Variants in BNIP3L observed in about 807,000 individuals in gnomAD.
BNIP3L encodes the protein BCL2/adenovirus E1B 19 kDa protein-interacting protein 3-like.
In BNIP3L, 10 loss-of-function variants were observed where a neutral mutation model predicts 25.5. The observed-to-expected ratio is 0.39, with a 90% confidence interval of 0.24 to 0.67. The LOEUF (loss-of-function observed/expected upper bound fraction) is 0.67. Among genes scored for constraint, BNIP3L ranks in the 30% least tolerant of loss-of-function variants. BNIP3L has a pLI of 0.45. For missense variants in BNIP3L, 215 were observed against 270.9 expected (o/e 0.79, Z 1.45); for synonymous variants, 113 against 101.2 (o/e 1.12, Z -0.70).
At position 26,395,172 on chromosome 8, in the gene BNIP3L, A is replaced by G. The variant is rs746823897; in HGVS notation, c.285-58A>G. On this transcript the variant is annotated intron_variant, in intron 2 of 5. Transcript: ENST00000380629. ...TTTAATTTTCTAATTTCTAGTAGAG[A>G]CTAAGTCATTTGACAAAGTGAGAAT... 283 of 1,564,920 alleles carry G rather than the reference A, an allele frequency of 1.8e-4. 1 individual carries two copies. Among genetic ancestry groups the G allele is most frequent in the Non-Finnish European group, 2.4e-4 (268 of 1,139,496 alleles).
At chr8:26,389,415 T>A (rs138376424) in intron 1 of BNIP3L, among the ~76,000 whole-genome samples, 3 of 152,238 alleles carry the variant, frequency 2.0e-5, no homozygotes, top group African/African-American at 7.2e-5. Context: ...CAATGTTAGA[T>A]CTCTCTTAGC....
intron 1 of BNIP3L, chr8:26,390,528 T>C: frequency 1.0e-6 from 1 of 985,320 alleles, no homozygotes; most frequent in Non-Finnish European, 1.2e-6. Flanking sequence ...GTATGTTTAG[T>C]GTATAAAAAA....
At chr8:26,398,732 C>CTAA (rs1806303900) in intron 3 of BNIP3L, among the ~76,000 whole-genome samples, 1 of 104,654 alleles carries the variant, frequency 9.6e-6, no homozygotes. Flanking sequence ...GCTAGCAAGA[C>CTAA]TAATAAAGAA....
chr8:26,391,537 C>T (rs147600764), intron 2 of BNIP3L, 111 bp downstream of exon 2: 1 of 886,556 alleles, frequency 1.1e-6, no homozygotes, highest in East Asian at 3.0e-5. Context: ...AATATGCCTC[C>T]TGATATATTG....
chr8:26,407,714 G>A (rs1007391760), intron 3 of BNIP3L, among the ~76,000 whole-genome samples: 4 of 152,138 alleles, frequency 2.6e-5, no homozygotes, highest in Admixed American at 6.5e-5. Flanking sequence ...TCTTATCGAG[G>A]TTTTTCATAC....
At chr8:26,395,346 A>G in intron 3 of BNIP3L, 44 bp downstream of exon 3, 1 of 1,570,132 alleles carries the variant, frequency 6.4e-7, no homozygotes, top group Non-Finnish European at 8.7e-7. Flanking sequence ...ATTAAGAAAG[A>G]TGTAAATTCT....
intron 3 of BNIP3L, among the ~76,000 whole-genome samples, chr8:26,406,563 T>G (rs1036421501): frequency 2.0e-5 from 3 of 152,200 alleles, no homozygotes; most frequent in African/African-American, 7.2e-5. Flanking sequence ...CTCACACCTG[T>G]AATCCCAGCA....
chr8:26,405,136 A>G (rs1473685228), intron 3 of BNIP3L, among the ~76,000 whole-genome samples: 1 of 152,214 alleles, frequency 6.6e-6, no homozygotes, highest in Non-Finnish European at 1.5e-5. Flanking sequence ...TCATGAAAAA[A>G]AAAATTAGAG....
intron 3 of BNIP3L, among the ~76,000 whole-genome samples, chr8:26,404,396 C>T (rs1806454474): frequency 1.3e-5 from 2 of 152,188 alleles, no homozygotes; most frequent in African/African-American, 2.4e-5. Context: ...TCATGGTATA[C>T]AGCTTAATAT....
chr8:26,385,611 AAAGGGGCG>A, intron 1 of BNIP3L, among the ~76,000 whole-genome samples: 1 of 142,388 alleles, frequency 7.0e-6, no homozygotes, highest in African/African-American at 2.6e-5. Context: ...TCAAAAAAAA[AAAGGGGCG>A]AGGGCGGGGG....
At chr8:26,394,117 T>A (rs1031483389) in intron 2 of BNIP3L, among the ~76,000 whole-genome samples, 50 of 152,280 alleles carry the variant, frequency 3.3e-4, no homozygotes, top group African/African-American at 1.2e-3. Flanking sequence ...TAGTGAAGGA[T>A]CCCCAGTGAC....
chr8:26,396,517 A>G (rs1806250561), intron 3 of BNIP3L, among the ~76,000 whole-genome samples: 1 of 125,728 alleles, frequency 8.0e-6, no homozygotes, highest in Non-Finnish European at 1.6e-5. Context: ...AACCACAAAG[A>G]TGGGGAAAAA....
At chr8:26,395,187 A>G in intron 2 of BNIP3L, 43 bp from the exon 3 acceptor site, 2 of 1,590,530 alleles carry the variant, frequency 1.3e-6, no homozygotes, top group Non-Finnish European at 1.7e-6. Context: ...GTCATTTGAC[A>G]AAGTGAGAAT....
chr8:26,402,615 G>C, intron 3 of BNIP3L, among the ~76,000 whole-genome samples: 1 of 152,160 alleles, frequency 6.6e-6, no homozygotes, highest in East Asian at 1.9e-4. Context: ...ATTCTGACCA[G>C]TTCCTGCAGT....
At chr8:26,386,779 C>G (rs1806002691) in intron 1 of BNIP3L, among the ~76,000 whole-genome samples, 1 of 152,136 alleles carries the variant, frequency 6.6e-6, no homozygotes, top group Non-Finnish European at 1.5e-5. Context: ...GAAGAGTGCT[C>G]TTAAGGCCTT....
At chr8:26,410,014 C>T (rs1338217005) in intron 5 of BNIP3L, among the ~76,000 whole-genome samples, 1 of 151,930 alleles carries the variant, frequency 6.6e-6, no homozygotes, top group African/African-American at 2.4e-5. Context: ...TCTGAAATGT[C>T]AGTAGAACCT....
At chr8:26,407,063 GCTCCACCTCCCAGGCTCAAGCAAC>G (rs1362652745) in intron 3 of BNIP3L, among the ~76,000 whole-genome samples, 2 of 151,052 alleles carry the variant, frequency 1.3e-5, no homozygotes, top group Non-Finnish European at 2.9e-5. Context: ...CTGGATCTCG[GCTCCACCTCCCAGGCTCAAGCAAC>G]CTCCACCTCC....
intron 3 of BNIP3L, among the ~76,000 whole-genome samples, chr8:26,396,675 T>C (rs891648103): frequency 6.6e-6 from 1 of 151,334 alleles, no homozygotes; most frequent in African/African-American, 2.4e-5. Flanking sequence ...CAAATTAGAG[T>C]GAGCTACGGG....
At chr8:26,403,237 C>T (rs188912974) in intron 3 of BNIP3L, among the ~76,000 whole-genome samples, 3 of 152,186 alleles carry the variant, frequency 2.0e-5, no homozygotes, top group African/African-American at 7.2e-5. Flanking sequence ...AGGGAGCTGT[C>T]AGCAGGTATA....
Sources: gnomAD v4.1 joint callset for allele counts (sites outside exome capture counted in the v4.1 genomes callset) on GRCh38, gnomAD v4.1.1 for gene constraint, MANE v1.5 for transcripts, NCBI Gene and HGNC (gene_info 2026-07-23, HGNC 2026-07-21) for gene names.